The following NRXN3 variants were observed in gnomAD, a reference collection of about 807,000 sequenced individuals.
NRXN3 encodes neurexin III.
NRXN3 carries 32 observed loss-of-function variants against 137.6 expected under a neutral mutation model. The observed-to-expected ratio is 0.23, with a 90% CI of 0.18 to 0.31. NRXN3 has a LOEUF of 0.31. Ranked by LOEUF, NRXN3 falls within the 10% of genes least tolerant of loss-of-function variation. The pLI is 1.00. For missense variants in NRXN3, 1,574 were observed against 2,062.5 expected (o/e 0.76, Z 4.59); for synonymous variants, 798 against 784.5 (o/e 1.02, Z -0.29).
chr14:79,151,508 A>G (rs748605282), intron 15 of NRXN3, among the ~76,000 whole-genome samples: 2 of 152,064 alleles, frequency 1.3e-5, no homozygotes, highest in Non-Finnish European at 1.5e-5. Context: ...CCACGAATCA[A>G]CTGGAGTTGT....
chr14:79,019,066 A>G (rs1392797923), intron 15 of NRXN3, among the ~76,000 whole-genome samples: 2 of 152,146 alleles, frequency 1.3e-5, no homozygotes, highest in Non-Finnish European at 2.9e-5. Flanking sequence ...ATGACTCATT[A>G]CTATTCCCAT....
intron 19 of NRXN3, 34 bp downstream of exon 19, chr14:79,697,971 AT>A (rs764425725): frequency 6.4e-7 from 1 of 1,568,356 alleles, no homozygotes; most frequent in South Asian, 1.1e-5. Context: ...TTGCGTCTGT[AT>A]TTTTATCTTT....
intron 6 of NRXN3, among the ~76,000 whole-genome samples, chr14:78,698,984 C>G (rs1375299841): frequency 6.6e-6 from 1 of 152,028 alleles, no homozygotes; most frequent in Non-Finnish European, 1.5e-5. Flanking sequence ...TTGTGATTTT[C>G]CTTGCTCTTC....
At chr14:78,738,970 A>C (rs1019478478) in intron 8 of NRXN3, among the ~76,000 whole-genome samples, 1 of 152,198 alleles carries the variant, frequency 6.6e-6, no homozygotes, top group African/African-American at 2.4e-5. Flanking sequence ...TGGACTGTGA[A>C]TGCAGATTAG....
chr14:78,427,110 G>T (rs1027792525), intron 4 of NRXN3, among the ~76,000 whole-genome samples: 6 of 152,134 alleles, frequency 3.9e-5, no homozygotes, highest in Non-Finnish European at 7.4e-5. Flanking sequence ...GCAAGTCTAG[G>T]AGTTCCTTAG....
At chr14:78,733,619 G>T (rs1387657982) in intron 8 of NRXN3, among the ~76,000 whole-genome samples, 2 of 152,164 alleles carry the variant, frequency 1.3e-5, no homozygotes, top group Non-Finnish European at 2.9e-5. Flanking sequence ...TTCCTGGCCA[G>T]AATTTTGTCA....
intron 4 of NRXN3, among the ~76,000 whole-genome samples, chr14:78,569,335 G>A (rs182668468): frequency 1.1e-3 from 168 of 146,392 alleles, no homozygotes; most frequent in Middle Eastern, 3.9e-3. Context: ...GCGTGGTCTC[G>A]GCTCACTGCA....
At chr14:78,841,985 C>T (rs919259408) in intron 10 of NRXN3, among the ~76,000 whole-genome samples, 32 of 152,192 alleles carry the variant, frequency 2.1e-4, no homozygotes, top group East Asian at 9.7e-4. Context: ...AAAGTACTTA[C>T]GATACTGCCT....
chr14:79,629,781 A>G (rs912927608), intron 16 of NRXN3, among the ~76,000 whole-genome samples: 12 of 151,994 alleles, frequency 7.9e-5, no homozygotes, highest in Non-Finnish European at 1.5e-4. Flanking sequence ...GCACGGTGAT[A>G]AAGAACAGAT....
rs777787198 is a variant in NRXN3, at chr14:79,361,099, G to T, written c.3263-106122G>T. On this transcript the variant is annotated intron_variant, in intron 15 of 20. Coordinates refer to ENST00000335750, the MANE Select transcript of NRXN3 (RefSeq NM_001330195.2). ...CTCTGAAGGGTAATTCGAGTACAGA[G>T]ATATTACTTTGAAGAAGTAATATGT... 1.5e-4 allele frequency among the ~76,000 whole-genome samples: 23 copies of T among 152,308 alleles called. No homozygotes were observed. The Middle Eastern group carries it at 0.014, about 90-fold the overall frequency.
At chr14:78,524,369 T>A (rs995671737) in intron 4 of NRXN3, among the ~76,000 whole-genome samples, 1 of 152,340 alleles carries the variant, frequency 6.6e-6, no homozygotes, top group African/African-American at 2.4e-5. Context: ...TTCTATAGCA[T>A]GTGTATGTCT....
At chr14:78,760,601 C>T (rs74064948) in intron 8 of NRXN3, among the ~76,000 whole-genome samples, 1,541 of 151,086 alleles carry the variant, frequency 0.01, 44 homozygotes, top group African/African-American at 0.036. Context: ...TTTGGCAAGG[C>T]GGATTGGAGC....
At chr14:78,181,208 C>T (rs1029492962) in intron 1 of NRXN3, among the ~76,000 whole-genome samples, 13 of 152,158 alleles carry the variant, frequency 8.5e-5, no homozygotes, top group South Asian at 2.1e-4. Context: ...TTTCAGACTT[C>T]GATATGCCCG....
intron 19 of NRXN3, among the ~76,000 whole-genome samples, chr14:79,803,730 T>G (rs1175109725): frequency 6.6e-6 from 1 of 151,988 alleles, no homozygotes; most frequent in Non-Finnish European, 1.5e-5. Context: ...AGAATTTGAC[T>G]AAGATGTATT....
chr14:78,885,185 A>G (rs890293343), intron 10 of NRXN3, among the ~76,000 whole-genome samples: 6 of 148,588 alleles, frequency 4.0e-5, no homozygotes, highest in African/African-American at 1.5e-4. Context: ...AATATACATT[A>G]TATAAATTAT....
In NRXN3 at chr14:79,662,082, C is replaced by T. The variant is rs564818232; in HGVS notation, c.3445-1696C>T. 2.6e-4 allele frequency among the ~76,000 whole-genome samples: 39 copies of T among 152,190 alleles called. 1 individual carries two copies. The South Asian group carries it at 6.4e-3, about 25-fold the overall frequency. On this transcript the variant is annotated intron_variant, in intron 16 of 20. Transcript: ENST00000335750. Reference sequence around the variant, plus strand: ...CTGGCACTTCTCCTTCCTGCTGCCACGTGAAGAAGGATGTGTTTGCTTTCC... The same window carrying T: ...CTGGCACTTCTCCTTCCTGCTGCCATGTGAAGAAGGATGTGTTTGCTTTCC...
rs74781486 is a variant in NRXN3 at position 79,705,208 on chromosome 14, G to A, written c.4014+7271G>A. ...GTGGGGTCAGTTCTTGGCTACCCACGGGTGGAGGTCCCTGAGTGTTTTTAA... is the reference window on the plus strand; with the variant it reads ...GTGGGGTCAGTTCTTGGCTACCCACAGGTGGAGGTCCCTGAGTGTTTTTAA... On this transcript the variant is annotated intron_variant, in intron 19 of 20. Coordinates refer to ENST00000335750, the MANE Select transcript of NRXN3 (RefSeq NM_001330195.2). Among the ~76,000 whole-genome samples the A allele has an allele frequency of 0.011, 1,610 of 152,188 alleles. 125 individuals carry two copies. The East Asian group carries it at 0.2, about 19-fold the overall frequency.
At chr14:78,941,930 G>T (rs1597672116) in intron 10 of NRXN3, among the ~76,000 whole-genome samples, 2 of 152,302 alleles carry the variant, frequency 1.3e-5, no homozygotes, top group South Asian at 2.1e-4. Context: ...AGCAAAAGGG[G>T]TGTAGAGAGG....
At position 78,321,345 on chromosome 14, in the gene NRXN3, A is replaced by G. The variant is rs935722578; in HGVS notation, c.757+23485A>G. ...AGAAGTAAATGGGTCAGGGGTTACA[A>G]TCACTGGTAAAGACAGAACAAAACC... On this transcript the variant is annotated intron_variant, in intron 4 of 20. Coordinates refer to ENST00000335750, the MANE Select transcript of NRXN3 (RefSeq NM_001330195.2). 1.1e-4 allele frequency among the ~76,000 whole-genome samples: 16 copies of G among 152,046 alleles called. 1 individual carries two copies. Among genetic ancestry groups the G allele is most frequent in the African/African-American group, 3.9e-4 (16 of 41,318 alleles).
Sources: gnomAD v4.1 joint callset for allele counts (sites outside exome capture counted in the v4.1 genomes callset) on GRCh38, gnomAD v4.1.1 for gene constraint, MANE v1.5 for transcripts, NCBI Gene and HGNC (gene_info 2026-07-23, HGNC 2026-07-21) for gene names.